CDH12: variants seen among roughly 807,000 people sequenced by gnomAD.
CDH12 encodes the protein cadherin-12.
A neutral mutation model predicts 74.1 loss-of-function variants in CDH12; 41 were observed. The observed-to-expected ratio is 0.55, with a 90% CI of 0.43 to 0.72. The LOEUF (loss-of-function observed/expected upper bound fraction) is 0.72. Among genes scored for constraint, CDH12 ranks in the 30% least tolerant of loss-of-function variants. The probability of loss-of-function intolerance (pLI) is 0.00; values close to 1 mark genes in which losing one functional copy is unlikely to be tolerated. For synonymous variants in CDH12, 399 were observed against 355.0 expected, an observed-to-expected ratio of 1.12 and a Z score of -1.39; for missense variants, 945 against 977.2, an observed-to-expected ratio of 0.97 and a Z score of 0.44.
intron 5 of CDH12, among the ~76,000 whole-genome samples, chr5:22,061,959 A>C (rs549147661): frequency 6.6e-6 from 1 of 152,306 alleles, no homozygotes; most frequent in African/African-American, 2.4e-5. Flanking sequence ...AGTCAGGCAG[A>C]CATCCATAAA....
chr5:22,739,214 G>A (rs762154625), intron 1 of CDH12, among the ~76,000 whole-genome samples: 78 of 151,774 alleles, frequency 5.1e-4, no homozygotes, highest in Middle Eastern at 6.4e-3. Flanking sequence ...CATTCAATGT[G>A]TAAAAAGGAA....
chr5:22,390,406 T>C (rs1422712184), intron 3 of CDH12, among the ~76,000 whole-genome samples: 1 of 152,128 alleles, frequency 6.6e-6, no homozygotes, highest in Middle Eastern at 3.2e-3. Flanking sequence ...TCCTTTAAGC[T>C]TCTTTCATAT....
intron 1 of CDH12, among the ~76,000 whole-genome samples, chr5:22,802,509 A>T (rs924358281): frequency 6.6e-6 from 1 of 152,140 alleles, no homozygotes; most frequent in South Asian, 2.1e-4. Flanking sequence ...TGTTGGGTCA[A>T]GAGCCCTCAG....
In CDH12 at chr5:22,059,325, CGT is replaced by C. The variant is rs1561067413; in HGVS notation, c.231+19119_231+19120del. Among the ~76,000 whole-genome samples, 43 of 147,736 alleles carry C rather than the reference CGT, an allele frequency of 2.9e-4. No homozygotes were observed. The East Asian group carries it at 4.5e-3, about 15-fold the overall frequency. ...ATCTATCTATCATCTATCCATCTATCGTCTATCTATCATCTATCTATCTATCT... is the reference window on the plus strand; with the variant it reads ...ATCTATCTATCATCTATCCATCTATCCTATCTATCATCTATCTATCTATCT... On this transcript the variant is annotated intron_variant, in intron 5 of 14. Transcript: ENST00000382254.
chr5:22,562,971 T>TA (rs1230813173), intron 1 of CDH12, among the ~76,000 whole-genome samples: 1 of 147,438 alleles, frequency 6.8e-6, no homozygotes, highest in African/African-American at 2.5e-5. Context: ...AATGCATGTT[T>TA]ATTTAAATAT....
At chr5:22,588,494 G>T (rs1740522994) in intron 1 of CDH12, among the ~76,000 whole-genome samples, 1 of 152,110 alleles carries the variant, frequency 6.6e-6, no homozygotes, top group Non-Finnish European at 1.5e-5. Context: ...GCAGATCTGG[G>T]CCTGAGGTAC....
chr5:22,143,181 G>C (rs936921982), intron 4 of CDH12: 1 of 152,010 alleles, frequency 6.6e-6, no homozygotes, highest in Non-Finnish European at 1.5e-5. Flanking sequence ...CCAAAATAAG[G>C]CATCATAATT....
intron 3 of CDH12, among the ~76,000 whole-genome samples, chr5:22,343,060 G>A (rs929043729): frequency 6.6e-6 from 1 of 151,664 alleles, no homozygotes; most frequent in African/African-American, 2.4e-5. Flanking sequence ...TCACTATGTT[G>A]GCCAGGCTGG....
chr5:21,934,713 G>C (rs891749997), intron 6 of CDH12, among the ~76,000 whole-genome samples: 1 of 152,086 alleles, frequency 6.6e-6, no homozygotes, highest in African/African-American at 2.4e-5. Context: ...TTTCTGGTGG[G>C]GAGAAAGGCT....
intron 4 of CDH12, among the ~76,000 whole-genome samples, chr5:22,155,432 A>G (rs994112647): frequency 2.6e-5 from 4 of 152,152 alleles, no homozygotes; most frequent in African/African-American, 9.7e-5. Flanking sequence ...AATTGTATTT[A>G]AAATGTTAGG....
At chr5:22,688,942 A>G (rs1340659535) in intron 1 of CDH12, among the ~76,000 whole-genome samples, 1 of 152,140 alleles carries the variant, frequency 6.6e-6, no homozygotes, top group Non-Finnish European at 1.5e-5. Flanking sequence ...ATAATTTTTG[A>G]GCAGGCGTTA....
At chr5:22,301,176 G>A (rs189137974) in intron 3 of CDH12, among the ~76,000 whole-genome samples, 8 of 152,200 alleles carry the variant, frequency 5.3e-5, no homozygotes, top group Admixed American at 2.0e-4. Flanking sequence ...CTACCCAGGC[G>A]TATTTAAAAG....
chr5:22,474,887 G>T (rs1746105303), intron 2 of CDH12, among the ~76,000 whole-genome samples: 3 of 151,908 alleles, frequency 2.0e-5, no homozygotes, highest in Non-Finnish European at 4.4e-5. Context: ...TTTCTCATTA[G>T]TAATAATTAA....
At chr5:22,369,443 C>T (rs919090091) in intron 3 of CDH12, among the ~76,000 whole-genome samples, 2 of 151,784 alleles carry the variant, frequency 1.3e-5, no homozygotes, top group Non-Finnish European at 2.9e-5. Flanking sequence ...AAAGTGTCAC[C>T]CAAAAGAGAC....
intron 3 of CDH12, among the ~76,000 whole-genome samples, chr5:22,286,408 T>C (rs959760233): frequency 2.6e-5 from 4 of 152,214 alleles, no homozygotes; most frequent in South Asian, 2.1e-4. Context: ...CTTTACTTTA[T>C]AGCACTTCAA....
At chr5:22,500,981 C>G (rs762567358) in intron 2 of CDH12, among the ~76,000 whole-genome samples, 7 of 151,704 alleles carry the variant, frequency 4.6e-5, no homozygotes, top group Non-Finnish European at 1.0e-4. Flanking sequence ...GTACTAAGGG[C>G]ATTTTAAGCT....
chr5:22,191,343 T>G (rs1309854473), intron 4 of CDH12, among the ~76,000 whole-genome samples: 1 of 152,152 alleles, frequency 6.6e-6, no homozygotes, highest in Non-Finnish European at 1.5e-5. Flanking sequence ...TGTAGTTATA[T>G]GAGCTTTTTT....
intron 5 of CDH12, among the ~76,000 whole-genome samples, chr5:22,056,794 T>C (rs1425733861): frequency 6.6e-6 from 1 of 152,180 alleles, no homozygotes; most frequent in Non-Finnish European, 1.5e-5. Context: ...AACCTTATGG[T>C]TTCCTACTTT....
chr5:22,283,654 T>C (rs1443112000), intron 3 of CDH12, among the ~76,000 whole-genome samples: 1 of 152,018 alleles, frequency 6.6e-6, no homozygotes, highest in African/African-American at 2.4e-5. Flanking sequence ...GTAAAAAGTT[T>C]CAGCTAGACA....
Sources: allele counts gnomAD v4.1 joint callset (sites outside exome capture counted in the v4.1 genomes callset), GRCh38; gene constraint gnomAD v4.1.1; transcripts MANE v1.5; gene names NCBI Gene and HGNC (gene_info 2026-07-23, HGNC 2026-07-21).